The following PDS5A variants were observed in gnomAD, a reference collection of about 807,000 sequenced individuals.
PDS5A encodes sister chromatid cohesion protein PDS5 homolog A.
PDS5A carries 42 observed loss-of-function variants against 167.1 expected under a neutral mutation model. That is an observed-to-expected ratio of 0.25 (90% CI 0.20 to 0.33). The LOEUF (loss-of-function observed/expected upper bound fraction) is 0.33. Ranked by LOEUF, PDS5A falls within the 10% of genes least tolerant of loss-of-function variation. The pLI is 1.00. For missense variants in PDS5A, 1,033 were observed against 1,605.9 expected (o/e 0.64, Z 6.10); for synonymous variants, 553 against 554.6 (o/e 1.00, Z 0.04).
intron 2 of PDS5A, among the ~76,000 whole-genome samples, chr4:39,975,559 A>C (rs537904175): frequency 6.6e-6 from 1 of 152,306 alleles, no homozygotes; most frequent in Admixed American, 6.5e-5. Context: ...CCAATGCCAT[A>C]GCCCTACCTG....
intron 2 of PDS5A, chr4:39,973,420 T>G (rs878863101): frequency 1.5e-6 from 2 of 1,324,010 alleles, no homozygotes; most frequent in Non-Finnish European, 2.1e-6. Flanking sequence ...TGGAACGGTG[T>G]GGACAGCAGG....
Position 39,908,552 on chromosome 4 carries a change from G to T in PDS5A, c.1088-12C>A, listed in dbSNP as rs942485883. ...AACCTTTAAATATTCTGTAATAAGA[G>T]AAAAAAAACTTAGGCTAAATGTTAG... On this transcript the variant is annotated splice_polypyrimidine_tract_variant and intron_variant, in intron 10 of 32. Transcript: ENST00000303538. The T allele has an allele frequency of 5.8e-5, 85 of 1,456,280 alleles. No individual in the cohort carries two copies. The highest frequency in any genetic ancestry group is 7.7e-5 in the Non-Finnish European group (81 of 1,051,158). The allele number at this position is 1,456,280 out of a possible 1,614,324, so 90.2% of individuals were successfully genotyped here.
At chr4:39,887,824 G>A (rs1276595263) in intron 17 of PDS5A, among the ~76,000 whole-genome samples, 1 of 152,106 alleles carries the variant, frequency 6.6e-6, no homozygotes, top group Non-Finnish European at 1.5e-5. Context: ...TTATCCCTGT[G>A]TCAACGGATT....
At chr4:39,832,067 G>A (rs532001566) in intron 32 of PDS5A, among the ~76,000 whole-genome samples, 2 of 148,792 alleles carry the variant, frequency 1.3e-5, no homozygotes, top group East Asian at 2.0e-4. Context: ...GCAGTGAGCC[G>A]AGATCTCACC....
At chr4:39,976,696 T>G in intron 1 of PDS5A, 79 bp from the exon 2 acceptor site, 1 of 699,068 alleles carries the variant, frequency 1.4e-6, no homozygotes. Flanking sequence ...CTCTCTAATC[T>G]GGAAAAGGCC....
intron 16 of PDS5A, among the ~76,000 whole-genome samples, chr4:39,894,407 C>CA (rs11425039): frequency 0.15 from 21,263 of 142,940 alleles, 1,812 homozygotes; most frequent in East Asian, 0.45. Context: ...GACCCTATCT[C>CA]AAAAAAAAAA....
At chr4:39,825,554 G>T in intron 32 of PDS5A, 66 bp from the exon 33 acceptor site, 11 of 1,117,884 alleles carry the variant, frequency 9.8e-6, no homozygotes, top group South Asian at 1.7e-5. Flanking sequence ...AAACGAAAAT[G>T]ATTTCATTTC....
chr4:39,846,970 T>C (rs1227426332), intron 28 of PDS5A: 1 of 152,150 alleles, frequency 6.6e-6, no homozygotes. Context: ...CATAAAGATA[T>C]AGTATAGCTT....
chr4:39,913,675 A>G lies in PDS5A; in HGVS notation c.928T>C (p.Phe310Leu). 6.2e-7 allele frequency: 1 copy of G among 1,612,750 alleles called. No individual in the cohort carries two copies. The highest frequency in any genetic ancestry group is 8.5e-7 in the Non-Finnish European group (1 of 1,178,806). Residue 310 changes from phenylalanine (F) to leucine (L), a missense_variant, in exon 9 of 33, where the codon TTT becomes CTT. Transcript: ENST00000303538. ...LAVVRLLAKL[F>L]GSKDSDLATQ... ...GCCAAATCAGAATCTTTGGAGCCAA[A>G]CAATTTAGCTAGAAGTCGAACAACA... is the stretch of plus-strand genomic sequence containing the variant.
In PDS5A at chr4:39,909,048, A is replaced by C. The variant is rs73229704; in HGVS notation, c.1088-508T>G. On this transcript the variant is annotated intron_variant, in intron 10 of 32. Transcript: ENST00000303538. ...AGTGACGCCCTGTATCAAAAAATAA[A>C]ATAAAATAAAATAAAATAAAATAAA... 3.2e-3 allele frequency among the ~76,000 whole-genome samples: 255 copies of C among 78,922 alleles called. 2 individuals carry two copies. Among genetic ancestry groups the C allele is most frequent in the East Asian group, 6.3e-3 (8 of 1,276 alleles). The allele number at this position is 78,922 out of a possible 152,430, so 51.8% of individuals were successfully genotyped here.
At chr4:39,870,102 C>T (rs1196213772) in intron 21 of PDS5A, among the ~76,000 whole-genome samples, 1 of 151,516 alleles carries the variant, frequency 6.6e-6, no homozygotes, top group African/African-American at 2.4e-5. Flanking sequence ...GAGTGAGACT[C>T]CATCTCAAAA....
chr4:39,902,160 A>G (rs1168659556), intron 13 of PDS5A, among the ~76,000 whole-genome samples, 187 bp downstream of exon 13: 1 of 152,192 alleles, frequency 6.6e-6, no homozygotes, highest in Non-Finnish European at 1.5e-5. Flanking sequence ...CTGGCTGCCA[A>G]ACAAGCCTAC....
chr4:39,913,236 C>G (rs930195998), intron 9 of PDS5A, among the ~76,000 whole-genome samples: 1 of 151,984 alleles, frequency 6.6e-6, no homozygotes, highest in African/African-American at 2.4e-5. Flanking sequence ...AGGTGCCGGT[C>G]ACCACCCCTG....
intron 31 of PDS5A, among the ~76,000 whole-genome samples, chr4:39,839,565 T>C (rs1006147124): frequency 7.2e-5 from 11 of 151,962 alleles, no homozygotes; most frequent in African/African-American, 2.4e-4. Context: ...AAAGACTCCA[T>C]CTCAAAAAGT....
chr4:39,944,888 CTCTAT>C, intron 2 of PDS5A, among the ~76,000 whole-genome samples: 1 of 152,008 alleles, frequency 6.6e-6, no homozygotes, highest in South Asian at 2.1e-4. Context: ...ATAATAAATC[CTCTAT>C]TCTTTTTTTC....
intron 2 of PDS5A, among the ~76,000 whole-genome samples, chr4:39,953,794 A>G (rs1728638793): frequency 6.6e-6 from 1 of 152,174 alleles, no homozygotes; most frequent in African/African-American, 2.4e-5. Flanking sequence ...ATGCACTTAG[A>G]CGTTCGTAAT....
At chr4:39,912,451 G>A (rs1381292827) in intron 9 of PDS5A, among the ~76,000 whole-genome samples, 1 of 152,188 alleles carries the variant, frequency 6.6e-6, no homozygotes, top group African/African-American at 2.4e-5. Context: ...AAATTCTCAT[G>A]GAGTCACATT....
chr4:39,942,881 G>A (rs1309804286), intron 2 of PDS5A, among the ~76,000 whole-genome samples: 1 of 151,852 alleles, frequency 6.6e-6, no homozygotes, highest in Non-Finnish European at 1.5e-5. Flanking sequence ...AGGCTTAAGT[G>A]GGAGGATCGT....
intron 17 of PDS5A, among the ~76,000 whole-genome samples, chr4:39,883,689 G>C (rs571500167): frequency 6.6e-6 from 1 of 152,094 alleles, no homozygotes; most frequent in Admixed American, 6.5e-5. Context: ...AGGAGAGAGT[G>C]AAGTGCCGTG....
Sources: allele counts gnomAD v4.1 joint callset (sites outside exome capture counted in the v4.1 genomes callset), GRCh38; gene constraint gnomAD v4.1.1; transcripts MANE v1.5; gene names NCBI Gene and HGNC (gene_info 2026-07-23, HGNC 2026-07-21).